The following MEOX2 variants were observed in gnomAD, a reference collection of about 807,000 sequenced individuals.
The protein encoded by MEOX2 is homeobox protein MOX-2.
A neutral mutation model predicts 27.0 loss-of-function variants in MEOX2; 11 were observed. The observed-to-expected ratio is 0.41, with a 90% CI of 0.26 to 0.68. The LOEUF is 0.68. MEOX2 is among the 30% of genes least tolerant of loss of function. The pLI, the probability that MEOX2 is intolerant of heterozygous loss-of-function variation, is 0.33. For synonymous variants in MEOX2, 189 were observed against 155.4 expected (o/e 1.22, Z -1.61); for missense variants, 436 against 385.4 (o/e 1.13, Z -1.10).
At chr7:15,650,960 A>G (rs145394352) in intron 1 of MEOX2, among the ~76,000 whole-genome samples, 7 of 152,002 alleles carry the variant, frequency 4.6e-5, no homozygotes, top group Non-Finnish European at 8.8e-5. Flanking sequence ...GGCAGATTGC[A>G]TTTACACAAG....
intron 1 of MEOX2, among the ~76,000 whole-genome samples, chr7:15,682,186 G>A (rs1782303584): frequency 6.6e-6 from 1 of 151,538 alleles, no homozygotes; most frequent in African/African-American, 2.4e-5. Flanking sequence ...TAATCTTCAA[G>A]ATCCAGTATA....
chr7:15,659,532 G>T (rs1403625333), intron 1 of MEOX2, among the ~76,000 whole-genome samples: 1 of 151,936 alleles, frequency 6.6e-6, no homozygotes, highest in Non-Finnish European at 1.5e-5. Context: ...AGGCTGAGGC[G>T]GGTGGATCAC....
chr7:15,629,435 T>C (rs539818007), intron 1 of MEOX2, among the ~76,000 whole-genome samples: 1 of 152,216 alleles, frequency 6.6e-6, no homozygotes, highest in South Asian at 2.1e-4. Context: ...AATGCTTGAA[T>C]ACCAAACCAA....
At chr7:15,645,855 T>G (rs555655160) in intron 1 of MEOX2, among the ~76,000 whole-genome samples, 2 of 152,234 alleles carry the variant, frequency 1.3e-5, no homozygotes, top group Non-Finnish European at 2.9e-5. Flanking sequence ...TGTATGAATA[T>G]TTTTGTGCCA....
intron 2 of MEOX2, among the ~76,000 whole-genome samples, chr7:15,615,842 C>A (rs765875584): frequency 3.3e-5 from 5 of 151,826 alleles, no homozygotes; most frequent in Non-Finnish European, 7.4e-5. Flanking sequence ...TCTAAATAAT[C>A]CTGGCAGAAA....
chr7:15,683,755 T>A (rs1047996376), intron 1 of MEOX2, among the ~76,000 whole-genome samples: 1 of 152,166 alleles, frequency 6.6e-6, no homozygotes. Context: ...TAGTCAATAT[T>A]TCTTCAACAT....
intron 2 of MEOX2, among the ~76,000 whole-genome samples, chr7:15,618,169 A>T (rs1356104140): frequency 2.0e-5 from 3 of 151,898 alleles, no homozygotes; most frequent in East Asian, 3.9e-4. Context: ...GTAAAATTCA[A>T]CTCGAATGGC....
intron 1 of MEOX2, among the ~76,000 whole-genome samples, chr7:15,660,719 T>C (rs1411581686): frequency 6.6e-6 from 1 of 152,048 alleles, no homozygotes; most frequent in Admixed American, 6.6e-5. Context: ...ACGGTCACCA[T>C]TGCTTTAAAA....
intron 1 of MEOX2, among the ~76,000 whole-genome samples, chr7:15,648,615 A>G (rs2115375450): frequency 6.6e-6 from 1 of 152,236 alleles, no homozygotes; most frequent in East Asian, 1.9e-4. Context: ...TGCTTCAGGA[A>G]AAATACGGAC....
At chr7:15,655,283 G>A (rs1393156511) in intron 1 of MEOX2, among the ~76,000 whole-genome samples, 2 of 151,470 alleles carry the variant, frequency 1.3e-5, no homozygotes, top group Admixed American at 1.3e-4. Flanking sequence ...TTCATTATCT[G>A]TCTTCCTAGA....
intron 1 of MEOX2, among the ~76,000 whole-genome samples, chr7:15,638,267 GT>G (rs1224335097): frequency 1.3e-5 from 2 of 151,958 alleles, no homozygotes; most frequent in African/African-American, 4.8e-5. Context: ...TTTCTTTCAT[GT>G]TTTATAGCTT....
At chr7:15,657,446 T>C (rs1300477820) in intron 1 of MEOX2, among the ~76,000 whole-genome samples, 6 of 152,170 alleles carry the variant, frequency 3.9e-5, no homozygotes, top group Admixed American at 3.9e-4. Context: ...TCTCCAGTTT[T>C]TCCCTTTGTA....
At position 15,612,439 on chromosome 7, in the gene MEOX2, G is replaced by T; in HGVS notation, c.863C>A (p.Ala288Glu). Residue 288 changes from alanine to glutamate, a missense_variant, in exon 3 of 3, where the codon GCA (alanine) becomes GAA (glutamate). By Grantham distance (107) the Ala-to-Glu change is moderately radical. Coordinates refer to ENST00000262041, the MANE Select transcript of MEOX2 (RefSeq NM_005924.5). ...GTCACTGTCGTGACTGTCTTCATTT[G>T]CTATAGAGTCCCCTGTTTGCTGGAG... ...ATLQQTGDSI[A>E]NEDSHDSDHS... The T allele has an allele frequency of 6.2e-7, 1 of 1,614,124 alleles. No individual in the cohort carries two copies. Among genetic ancestry groups the T allele is most frequent in the Non-Finnish European group, 8.5e-7 (1 of 1,180,026 alleles).
rs1173220482 is a variant in MEOX2, at chr7:15,626,930, G to T, written c.518-12C>A. ...TCCTTCCTGGGAGTCTGAAAAAAAA[G>T]GGAGACAGAATTGGTAATAACTCAT... On this transcript the variant is annotated splice_polypyrimidine_tract_variant and intron_variant, in intron 1 of 2. Coordinates refer to ENST00000262041, the MANE Select transcript of MEOX2 (RefSeq NM_005924.5). 1.9e-6 allele frequency: 3 copies of T among 1,609,510 alleles called. No individual in the cohort carries two copies. In the Admixed American group the frequency reaches 5.0e-5, roughly 27 times the overall value.
At chr7:15,675,867 A>G (rs550585427) in intron 1 of MEOX2, among the ~76,000 whole-genome samples, 1 of 152,198 alleles carries the variant, frequency 6.6e-6, no homozygotes, top group South Asian at 2.1e-4. Context: ...ACATCCTCCC[A>G]GTTCTTCTAT....
At chr7:15,660,185 A>G (rs1333931306) in intron 1 of MEOX2, among the ~76,000 whole-genome samples, 1 of 152,202 alleles carries the variant, frequency 6.6e-6, no homozygotes, top group African/African-American at 2.4e-5. Flanking sequence ...GGAAATAGCA[A>G]GAACACAATC....
intron 2 of MEOX2, among the ~76,000 whole-genome samples, chr7:15,620,449 TC>T (rs979465936): frequency 1.2e-4 from 18 of 152,048 alleles, no homozygotes; most frequent in African/African-American, 4.3e-4. Context: ...GCTCCTGTAG[TC>T]CCAACTACTC....
chr7:15,653,276 A>T (rs1781768143), intron 1 of MEOX2, among the ~76,000 whole-genome samples: 2 of 151,928 alleles, frequency 1.3e-5, no homozygotes, highest in Non-Finnish European at 2.9e-5. Flanking sequence ...TGCCATCTTC[A>T]TATTCTGTTT....
chr7:15,641,358 G>A (rs1323524805), intron 1 of MEOX2, among the ~76,000 whole-genome samples: 1 of 151,194 alleles, frequency 6.6e-6, no homozygotes, highest in Non-Finnish European at 1.5e-5. Context: ...GTTCTTCCTT[G>A]TTTTTTGTTT....
Sources: allele counts gnomAD v4.1 joint callset (sites outside exome capture counted in the v4.1 genomes callset), GRCh38; gene constraint gnomAD v4.1.1; transcripts MANE v1.5; gene names NCBI Gene and HGNC (gene_info 2026-07-23, HGNC 2026-07-21).